The following LRRC4C variants were observed in gnomAD, a reference collection of about 807,000 sequenced individuals.
The protein encoded by LRRC4C is leucine rich repeat containing 4C, also known as leucine-rich repeat-containing protein 4C.
Under a neutral mutation model 33.6 loss-of-function variants are expected in LRRC4C, and 5 were observed. That is an observed-to-expected ratio of 0.15 (90% CI 0.08 to 0.31). The LOEUF is 0.31. LRRC4C is among the 10% of genes least tolerant of loss of function. The pLI, the probability that LRRC4C is intolerant of heterozygous loss-of-function variation, is 1.00. For missense variants in LRRC4C, 560 were observed against 796.7 expected (o/e 0.70, Z 3.58); for synonymous variants, 329 against 302.0 (o/e 1.09, Z -0.93).
At chr11:40,848,264 T>A (rs1185625488) in intron 2 of LRRC4C, among the ~76,000 whole-genome samples, 9 of 152,174 alleles carry the variant, frequency 5.9e-5, no homozygotes, top group African/African-American at 2.2e-4. Context: ...AGATCTTTCC[T>A]GCTTTCTCCT....
intron 1 of LRRC4C, among the ~76,000 whole-genome samples, chr11:41,268,146 G>T (rs2136806598): frequency 1.3e-5 from 2 of 152,230 alleles, no homozygotes; most frequent in Admixed American, 1.3e-4. Flanking sequence ...GGTCTGTGTT[G>T]TGATTGCACA....
At position 40,922,452 on chromosome 11, in the gene LRRC4C, G is replaced by A. The variant is rs2136373538; in HGVS notation, c.-407+11183C>T. On this transcript the variant is annotated intron_variant, in intron 2 of 6. Transcript: ENST00000528697. ...GTAGAGGAAAAATAAAGTTGCTGTTGGTTAACAGAAACCTTGAACTCTGTC... is the reference window on the plus strand; with the variant it reads ...GTAGAGGAAAAATAAAGTTGCTGTTAGTTAACAGAAACCTTGAACTCTGTC... Among the ~76,000 whole-genome samples the A allele has an allele frequency of 2.0e-5, 3 of 152,208 alleles. No homozygotes were observed. The South Asian group carries it at 6.2e-4, about 32-fold the overall frequency.
chr11:40,383,691 T>A (rs532813999), intron 3 of LRRC4C, among the ~76,000 whole-genome samples: 1 of 151,852 alleles, frequency 6.6e-6, no homozygotes, highest in Admixed American at 6.6e-5. Context: ...GTGCCCATTT[T>A]ATTTATTTAT....
rs141094172 is a variant in LRRC4C, at chr11:40,338,930, C to A, written c.-269-19209G>T. ...GACTCATCCGATCACTTAGAAGCCTCCAGAAAGCCAAAGATGAATACTGTT... is the reference window on the plus strand; with the variant it reads ...GACTCATCCGATCACTTAGAAGCCTACAGAAAGCCAAAGATGAATACTGTT... On this transcript the variant is annotated intron_variant, in intron 3 of 6. Coordinates refer to ENST00000528697, the MANE Select transcript of LRRC4C (RefSeq NM_001258419.2). Among the ~76,000 whole-genome samples the A allele has an allele frequency of 8.1e-4, 123 of 152,304 alleles. No individual in the cohort carries two copies. The Middle Eastern group carries it at 0.01, about 13-fold the overall frequency.
intron 1 of LRRC4C, among the ~76,000 whole-genome samples, chr11:41,167,369 C>T (rs961385817): frequency 1.3e-5 from 2 of 152,120 alleles, no homozygotes; most frequent in Non-Finnish European, 2.9e-5. Flanking sequence ...TGATGATGCA[C>T]CTGAACATCC....
At chr11:40,296,437 A>G (rs1160505352) in intron 4 of LRRC4C, among the ~76,000 whole-genome samples, 2 of 152,168 alleles carry the variant, frequency 1.3e-5, no homozygotes, top group Non-Finnish European at 2.9e-5. Context: ...AAAATCACAA[A>G]CTTGGTAAAT....
intron 3 of LRRC4C, among the ~76,000 whole-genome samples, chr11:40,463,283 A>T (rs971398060): frequency 6.7e-6 from 1 of 149,480 alleles, no homozygotes; most frequent in African/African-American, 2.5e-5. Context: ...TTGGGAAGAT[A>T]TAGGTGTGCG....
chr11:41,442,317 A>C (rs1283265570), intron 1 of LRRC4C, among the ~76,000 whole-genome samples: 1 of 152,052 alleles, frequency 6.6e-6, no homozygotes, highest in East Asian at 1.9e-4. Context: ...GCTACCAAAA[A>C]CATATAAACA....
chr11:41,165,975 G>C (rs1944705557), intron 1 of LRRC4C, among the ~76,000 whole-genome samples: 1 of 151,360 alleles, frequency 6.6e-6, no homozygotes, highest in Admixed American at 6.6e-5. Flanking sequence ...AGGTTGCAGT[G>C]AGTCGAAATC....
intron 3 of LRRC4C, among the ~76,000 whole-genome samples, chr11:40,633,396 T>TCTCTCTCTCTCTCTTTCTTTCTTTCC (rs1565581276): frequency 1.2e-5 from 1 of 86,758 alleles, no homozygotes; most frequent in Non-Finnish European, 2.3e-5. Flanking sequence ...TCTTTCTTTC[T>TCTCTCTCTCTCTCTTTCTTTCTTTCC]TTTTTTTTTT....
rs1401071930 is a variant in LRRC4C, at chr11:40,783,232, G to A, written c.-406-134954C>T. On this transcript the variant is annotated intron_variant, in intron 2 of 6. Transcript: ENST00000528697. Reference sequence around the variant, plus strand: ...TATATAATTCAATTTTAAGGTGTTCGGTGATCTTATAAGAGATTATTTGGC... The same window carrying A: ...TATATAATTCAATTTTAAGGTGTTCAGTGATCTTATAAGAGATTATTTGGC... Among the ~76,000 whole-genome samples the A allele has an allele frequency of 5.9e-5, 9 of 151,816 alleles. No homozygotes were observed. The South Asian group carries it at 6.2e-4, about 11-fold the overall frequency.
intron 1 of LRRC4C, among the ~76,000 whole-genome samples, chr11:41,008,061 A>T (rs1023241590): frequency 3.9e-5 from 6 of 151,960 alleles, no homozygotes; most frequent in African/African-American, 1.5e-4. Flanking sequence ...CTTCATTTCC[A>T]ATCAATTAGC....
chr11:40,668,594 G>A (rs889853146), intron 2 of LRRC4C, among the ~76,000 whole-genome samples: 9 of 152,182 alleles, frequency 5.9e-5, no homozygotes, highest in African/African-American at 1.9e-4. Flanking sequence ...TTCTACTGAC[G>A]ATTTTTCATA....
chr11:40,213,035 C>G (rs1863718868), intron 5 of LRRC4C, among the ~76,000 whole-genome samples: 1 of 152,128 alleles, frequency 6.6e-6, no homozygotes, highest in Non-Finnish European at 1.5e-5. Context: ...GCCAGCACCA[C>G]CTGGAAGTAC....
At chr11:40,995,079 G>A (rs981757750) in intron 1 of LRRC4C, among the ~76,000 whole-genome samples, 1 of 152,134 alleles carries the variant, frequency 6.6e-6, no homozygotes, top group Non-Finnish European at 1.5e-5. Flanking sequence ...AAACATTCTA[G>A]AAACAACAAC....
intron 3 of LRRC4C, among the ~76,000 whole-genome samples, chr11:40,422,418 G>A (rs977688728): frequency 6.6e-6 from 1 of 151,756 alleles, no homozygotes; most frequent in African/African-American, 2.4e-5. Flanking sequence ...TTCTGATCCT[G>A]GAAGAAAAAT....
At chr11:40,380,583 T>C (rs1170452525) in intron 3 of LRRC4C, among the ~76,000 whole-genome samples, 1 of 152,206 alleles carries the variant, frequency 6.6e-6, no homozygotes, top group Non-Finnish European at 1.5e-5. Flanking sequence ...TATGTATAAC[T>C]GAGATAATAA....
intron 1 of LRRC4C, among the ~76,000 whole-genome samples, chr11:40,980,773 G>T (rs375136241): frequency 6.6e-6 from 1 of 152,008 alleles, no homozygotes; most frequent in African/African-American, 2.4e-5. Context: ...TAAAACAAGG[G>T]CTTATTCTTA....
intron 1 of LRRC4C, among the ~76,000 whole-genome samples, chr11:41,195,720 G>A (rs545234343): frequency 6.5e-4 from 99 of 152,190 alleles, no homozygotes; most frequent in African/African-American, 2.2e-3. Context: ...GGCCTTATAC[G>A]AACAATGAAG....
Sources: gnomAD v4.1 joint callset for allele counts (sites outside exome capture counted in the v4.1 genomes callset) on GRCh38, gnomAD v4.1.1 for gene constraint, MANE v1.5 for transcripts, NCBI Gene and HGNC (gene_info 2026-07-23, HGNC 2026-07-21) for gene names.